The following CTNNBL1 variants were observed in gnomAD, a reference collection of about 807,000 sequenced individuals.
CTNNBL1 encodes catenin beta like 1.
Under a neutral mutation model 72.7 loss-of-function variants are expected in CTNNBL1, and 31 were observed. The observed-to-expected ratio is 0.43, with a 90% CI of 0.32 to 0.58. The LOEUF (loss-of-function observed/expected upper bound fraction) is 0.58. CTNNBL1 is among the 20% of genes least tolerant of loss of function. The pLI, the probability that CTNNBL1 is intolerant of heterozygous loss-of-function variation, is 0.08. For synonymous variants in CTNNBL1, 240 were observed against 267.3 expected, an observed-to-expected ratio of 0.90 and a Z score of 1.00; for missense variants, 534 against 725.1, an observed-to-expected ratio of 0.74 and a Z score of 3.03.
chr20:37,766,875 G>C (rs1952848447), intron 6 of CTNNBL1, among the ~76,000 whole-genome samples: 1 of 152,166 alleles, frequency 6.6e-6, no homozygotes, highest in Admixed American at 6.5e-5. Context: ...CAGAAGAATA[G>C]GATAAAGTCA....
At chr20:37,844,988 G>A (rs1191004077) in intron 13 of CTNNBL1, among the ~76,000 whole-genome samples, 1 of 152,188 alleles carries the variant, frequency 6.6e-6, no homozygotes, top group African/African-American at 2.4e-5. Context: ...AGGTTATTAT[G>A]AAGACTAAGC....
At chr20:37,739,925 A>C (rs2073200779) in intron 3 of CTNNBL1, among the ~76,000 whole-genome samples, 1 of 152,200 alleles carries the variant, frequency 6.6e-6, no homozygotes, top group South Asian at 2.1e-4. Context: ...ATGATACTGG[A>C]AATTTAAGAA....
Position 37,725,031 on chromosome 20 carries a change from G to C in CTNNBL1, c.31-7848G>C, listed in dbSNP as rs1393301197. ...AGTGATCCTCTCACCTCAGCCTCCT[G>C]AGTAGTTGGGACTACAGGTGCGTGC... is the stretch of plus-strand genomic sequence containing the variant. On this transcript the variant is annotated intron_variant, in intron 1 of 15. Transcript: ENST00000361383. Among the ~76,000 whole-genome samples the C allele has an allele frequency of 2.0e-5, 3 of 149,170 alleles. No homozygotes were observed. The East Asian group carries it at 5.9e-4, about 30-fold the overall frequency.
chr20:37,765,559 G>T (rs2073459674), intron 6 of CTNNBL1, among the ~76,000 whole-genome samples: 1 of 152,086 alleles, frequency 6.6e-6, no homozygotes, highest in African/African-American at 2.4e-5. Flanking sequence ...GCGGGCCTTC[G>T]CCTCCAAAAG....
intron 13 of CTNNBL1, among the ~76,000 whole-genome samples, chr20:37,851,724 T>C (rs1568811042): frequency 6.6e-6 from 1 of 152,246 alleles, no homozygotes; most frequent in South Asian, 2.1e-4. Flanking sequence ...AGTAATAGTT[T>C]TTACCTCTTG....
chr20:37,784,596 A>G (rs2073655935), intron 10 of CTNNBL1, among the ~76,000 whole-genome samples: 1 of 152,246 alleles, frequency 6.6e-6, no homozygotes. Context: ...AAACAAACTG[A>G]CAAGCAAAGA....
At chr20:37,756,385 G>A (rs2073363215) in intron 4 of CTNNBL1, 1 of 151,596 alleles carries the variant, frequency 6.6e-6, no homozygotes, top group Non-Finnish European at 1.5e-5. Context: ...CAGTTTGCTG[G>A]AGCAAGGTGT....
At chr20:37,718,451 C>T (rs553479018) in intron 1 of CTNNBL1, among the ~76,000 whole-genome samples, 15 of 134,714 alleles carry the variant, frequency 1.1e-4, no homozygotes, top group South Asian at 7.5e-4. Flanking sequence ...GGTGGCTGGC[C>T]GGGCGGGGGG....
chr20:37,773,111 A>G (rs2073540118), intron 7 of CTNNBL1, among the ~76,000 whole-genome samples: 1 of 152,244 alleles, frequency 6.6e-6, no homozygotes, highest in Non-Finnish European at 1.5e-5. Context: ...CTTGTTACCC[A>G]GTTAAATCAA....
Position 37,696,191 on chromosome 20 carries a change from C to G in CTNNBL1, c.30+2039C>G, listed in dbSNP as rs1600425850. Among the ~76,000 whole-genome samples the G allele has an allele frequency of 2.6e-5, 4 of 152,222 alleles. No homozygotes were observed. The South Asian group carries it at 8.3e-4, about 32-fold the overall frequency. ...CACTGAATAAAAGACAAGATTCTTGCTTTTGTGGAGCATCTGGTGGGAAGT... is the reference window on the plus strand; with the variant it reads ...CACTGAATAAAAGACAAGATTCTTGGTTTTGTGGAGCATCTGGTGGGAAGT... On this transcript the variant is annotated intron_variant, in intron 1 of 15. Coordinates refer to ENST00000361383, the MANE Select transcript of CTNNBL1 (RefSeq NM_030877.5).
chr20:37,848,048 T>C lies in CTNNBL1; in HGVS notation c.1392+5629T>C, dbSNP rs11699759. Among the ~76,000 whole-genome samples, 778 of 152,082 alleles carry C rather than the reference T, an allele frequency of 5.1e-3. 1 individual carries two copies. Among genetic ancestry groups the C allele is most frequent in the Non-Finnish European group, 8.2e-3 (557 of 68,020 alleles). On this transcript the variant is annotated intron_variant, in intron 13 of 15. Transcript: ENST00000361383. ...ATGGTAGACAGTGAAACTGTGCGGCTGCCATCGATTCTTCTGCTAACTTGC... is the reference window on the plus strand; with the variant it reads ...ATGGTAGACAGTGAAACTGTGCGGCCGCCATCGATTCTTCTGCTAACTTGC...
At chr20:37,762,694 T>C (rs756052597) in intron 5 of CTNNBL1, among the ~76,000 whole-genome samples, 1 of 152,212 alleles carries the variant, frequency 6.6e-6, no homozygotes, top group Admixed American at 6.5e-5. Flanking sequence ...AATGCTAATA[T>C]GTACTTTTAC....
intron 13 of CTNNBL1, among the ~76,000 whole-genome samples, chr20:37,843,905 A>C (rs2072325782): frequency 6.6e-6 from 1 of 152,220 alleles, no homozygotes; most frequent in Non-Finnish European, 1.5e-5. Context: ...CTGCAAGATA[A>C]AAGGCAGAGA....
At chr20:37,859,604 TG>T (rs554681330) in intron 13 of CTNNBL1, among the ~76,000 whole-genome samples, 2 of 59,452 alleles carry the variant, frequency 3.4e-5, no homozygotes, top group Non-Finnish European at 6.4e-5. Flanking sequence ...CCCGTCAGCT[TG>T]TTTTTTTTTT....
At chr20:37,797,672 A>G (rs1371336014) in intron 10 of CTNNBL1, among the ~76,000 whole-genome samples, 1 of 152,022 alleles carries the variant, frequency 6.6e-6, no homozygotes, top group African/African-American at 2.4e-5. Context: ...CGCCTTTCTT[A>G]CCAGTCTTTC....
At chr20:37,857,274 T>A (rs982115715) in intron 13 of CTNNBL1, among the ~76,000 whole-genome samples, 2 of 152,230 alleles carry the variant, frequency 1.3e-5, no homozygotes, top group Admixed American at 6.5e-5. Context: ...ATTACCAGAT[T>A]ACCAATGAAT....
intron 15 of CTNNBL1, among the ~76,000 whole-genome samples, chr20:37,867,123 A>G (rs924106928): frequency 6.6e-6 from 1 of 152,246 alleles, no homozygotes; most frequent in African/African-American, 2.4e-5. Flanking sequence ...CTTCTGGAGA[A>G]GCGCAACTTT....
intron 1 of CTNNBL1, among the ~76,000 whole-genome samples, chr20:37,725,671 C>A (rs1367581542): frequency 2.6e-5 from 4 of 151,122 alleles, no homozygotes; most frequent in Admixed American, 2.6e-4. Context: ...ATGGGCCAAA[C>A]TGCTCTGTAC....
intron 15 of CTNNBL1, among the ~76,000 whole-genome samples, chr20:37,869,908 G>A (rs1335716930): frequency 2.6e-5 from 4 of 151,670 alleles, no homozygotes; most frequent in African/African-American, 4.8e-5. Flanking sequence ...TGAAGGGTTG[G>A]ACCACCCCAT....
Sources: gnomAD v4.1 joint callset for allele counts (sites outside exome capture counted in the v4.1 genomes callset) on GRCh38, gnomAD v4.1.1 for gene constraint, MANE v1.5 for transcripts, NCBI Gene and HGNC (gene_info 2026-07-23, HGNC 2026-07-21) for gene names.